Variants in FBXL17 observed in about 807,000 individuals in gnomAD.
The protein encoded by FBXL17 is F-box and leucine rich repeat protein 17, also known as F-box/LRR-repeat protein 17.
FBXL17 carries 22 observed loss-of-function variants against 66.2 expected under a neutral mutation model. The observed-to-expected ratio is 0.33, with a 90% CI of 0.24 to 0.47. The LOEUF is 0.47. Among genes scored for constraint, FBXL17 ranks in the 20% least tolerant of loss-of-function variants. The probability of loss-of-function intolerance (pLI) is 1.00; values close to 1 mark genes in which losing one functional copy is unlikely to be tolerated. For missense variants in FBXL17, 878 were observed against 948.2 expected, an observed-to-expected ratio of 0.93 and a Z score of 0.97; for synonymous variants, 474 against 400.5, an observed-to-expected ratio of 1.18 and a Z score of -2.19.
At chr5:108,346,026 C>T (rs1400326363) in intron 4 of FBXL17, among the ~76,000 whole-genome samples, 1 of 151,990 alleles carries the variant, frequency 6.6e-6, no homozygotes, top group East Asian at 1.9e-4. Context: ...CTGTACGTAC[C>T]TGTATTAGTT....
chr5:108,235,867 G>C (rs1281330888), intron 4 of FBXL17, among the ~76,000 whole-genome samples: 1 of 152,184 alleles, frequency 6.6e-6, no homozygotes, highest in Non-Finnish European at 1.5e-5. Flanking sequence ...CCAATGGCTT[G>C]CTGGTTCAAT....
intron 7 of FBXL17, among the ~76,000 whole-genome samples, chr5:107,901,672 C>A (rs1749571869): frequency 6.6e-6 from 1 of 152,198 alleles, no homozygotes; most frequent in Non-Finnish European, 1.5e-5. Flanking sequence ...GCCACTCATT[C>A]CTCTAGGCCT....
intron 7 of FBXL17, among the ~76,000 whole-genome samples, chr5:107,902,083 A>G (rs1409088216): frequency 6.6e-6 from 1 of 152,202 alleles, no homozygotes; most frequent in African/African-American, 2.4e-5. Context: ...CGTGAGAGCT[A>G]AACGAAACCA....
In FBXL17 at chr5:108,096,709, T is replaced by A. The variant is rs1361794144; in HGVS notation, c.1746-75708A>T. On this transcript the variant is annotated intron_variant, in intron 6 of 8. Coordinates refer to ENST00000542267, the MANE Select transcript of FBXL17 (RefSeq NM_001163315.3). ...GATACATGCAACAAATGTGCCTGGATGGCCAGTGAGTATGGAAGGAAAAGG... is the reference window on the plus strand; with the variant it reads ...GATACATGCAACAAATGTGCCTGGAAGGCCAGTGAGTATGGAAGGAAAAGG... Among the ~76,000 whole-genome samples the A allele has an allele frequency of 3.1e-4, 47 of 152,112 alleles. 1 individual carries two copies. Among genetic ancestry groups the A allele is most frequent in the Non-Finnish European group, 3.8e-4 (26 of 68,030 alleles).
chr5:108,165,215 T>C (rs544405990), intron 6 of FBXL17, among the ~76,000 whole-genome samples: 4 of 152,312 alleles, frequency 2.6e-5, no homozygotes, highest in South Asian at 2.1e-4. Flanking sequence ...TATAGTTCTA[T>C]AGTTATTAAA....
chr5:107,876,916 C>A (rs1037116811), intron 8 of FBXL17, among the ~76,000 whole-genome samples: 1 of 152,148 alleles, frequency 6.6e-6, no homozygotes, highest in East Asian at 1.9e-4. Flanking sequence ...CCGTTGATTA[C>A]ACAAGTATTT....
At chr5:108,286,189 T>G (rs1038763861) in intron 4 of FBXL17, among the ~76,000 whole-genome samples, 1 of 151,994 alleles carries the variant, frequency 6.6e-6, no homozygotes, top group African/African-American at 2.4e-5. Context: ...AACATCATAC[T>G]GAATGGGCAA....
intron 7 of FBXL17, among the ~76,000 whole-genome samples, chr5:108,005,683 T>C (rs540507277): frequency 6.6e-6 from 1 of 152,286 alleles, no homozygotes; most frequent in South Asian, 2.1e-4. Context: ...GATTGATAAA[T>C]AGCATCTGTC....
intron 6 of FBXL17, among the ~76,000 whole-genome samples, chr5:108,147,256 TA>T (rs1254495281): frequency 6.6e-6 from 1 of 151,998 alleles, no homozygotes; most frequent in African/African-American, 2.4e-5. Flanking sequence ...GCAGAAAAAA[TA>T]AAAGTTGAGG....
At chr5:107,900,122 C>A (rs948519223) in intron 7 of FBXL17, among the ~76,000 whole-genome samples, 3 of 151,998 alleles carry the variant, frequency 2.0e-5, no homozygotes, top group Admixed American at 1.3e-4. Flanking sequence ...CAAGTAAACA[C>A]CTGATATTTT....
Position 107,971,359 on chromosome 5 carries a change from T to A in FBXL17, c.1822+49566A>T, listed in dbSNP as rs183933274. On this transcript the variant is annotated intron_variant, in intron 7 of 8. Transcript: ENST00000542267. ...CCAGCATGTCACCATAACCTTCTGA[T>A]GCCAACTTCCACACGTAAACTTAAG... is the stretch of plus-strand genomic sequence containing the variant. Among the ~76,000 whole-genome samples the A allele has an allele frequency of 8.5e-5, 13 of 152,326 alleles. No homozygotes were observed. The East Asian group carries it at 2.1e-3, about 25-fold the overall frequency.
intron 6 of FBXL17, among the ~76,000 whole-genome samples, chr5:108,098,165 A>AC (rs888371264): frequency 6.6e-6 from 1 of 152,074 alleles, no homozygotes; most frequent in Non-Finnish European, 1.5e-5. Context: ...CTAAAAAAAA[A>AC]CAGAAATCTA....
intron 7 of FBXL17, among the ~76,000 whole-genome samples, chr5:108,005,599 C>G (rs914146215): frequency 1.3e-5 from 2 of 152,168 alleles, no homozygotes; most frequent in Middle Eastern, 3.2e-3. Context: ...GATCTGTTCT[C>G]TGGCAATTCT....
At chr5:108,296,202 A>G (rs6880727) in intron 4 of FBXL17, among the ~76,000 whole-genome samples, 117,960 of 151,558 alleles carry the variant, frequency 0.78, 46,614 homozygotes, top group East Asian at 0.93. Flanking sequence ...TCAAGGCTGA[A>G]TCTCAAGTTT....
At chr5:107,998,681 A>G (rs1255742228) in intron 7 of FBXL17, among the ~76,000 whole-genome samples, 1 of 152,164 alleles carries the variant, frequency 6.6e-6, no homozygotes, top group Non-Finnish European at 1.5e-5. Context: ...GTCAAAAGCA[A>G]AAACCCGAGA....
chr5:108,081,874 C>T (rs2149919802), intron 6 of FBXL17, among the ~76,000 whole-genome samples: 1 of 152,298 alleles, frequency 6.6e-6, no homozygotes, highest in South Asian at 2.1e-4. Context: ...CCTCCCGCTT[C>T]TACTCTCTCC....
chr5:108,333,790 G>C (rs1267677554), intron 4 of FBXL17, among the ~76,000 whole-genome samples: 1 of 152,102 alleles, frequency 6.6e-6, no homozygotes, highest in African/African-American at 2.4e-5. Context: ...TCTTTCAATT[G>C]ACTTGATTAG....
At chr5:107,994,645 C>T (rs542570002) in intron 7 of FBXL17, among the ~76,000 whole-genome samples, 65 of 152,226 alleles carry the variant, frequency 4.3e-4, no homozygotes, top group Non-Finnish European at 8.8e-4. Context: ...CAAGACCAGC[C>T]TGGTCAAGAT....
intron 6 of FBXL17, among the ~76,000 whole-genome samples, chr5:108,056,229 A>G (rs1747704145): frequency 6.6e-6 from 1 of 152,158 alleles, no homozygotes. Flanking sequence ...GTGGATGTAA[A>G]TACTAATAAT....
Sources: allele counts gnomAD v4.1 joint callset (sites outside exome capture counted in the v4.1 genomes callset), GRCh38; gene constraint gnomAD v4.1.1; transcripts MANE v1.5; gene names NCBI Gene and HGNC (gene_info 2026-07-23, HGNC 2026-07-21).